ZNF469: variants seen among roughly 807,000 people sequenced by gnomAD.
The protein encoded by ZNF469 is zinc finger protein 469.
In ZNF469, 1 loss-of-function variant was observed where a neutral mutation model predicts 1.0. The ratio of observed to expected loss-of-function variants is 1.00; its 90% CI spans 0.35 to 4.73. ZNF469 has a LOEUF of 4.73. ZNF469 is among the 30% of genes most tolerant of loss of function. The pLI, the probability that ZNF469 is intolerant of heterozygous loss-of-function variation, is 0.16. For missense variants in ZNF469, 6,100 were observed against 5,356.3 expected (o/e 1.14, Z -4.33); for synonymous variants, 2,703 against 2,363.4 (o/e 1.14, Z -4.17).
intron 1 of ZNF469, among the ~76,000 whole-genome samples, chr16:88,387,289 C>T (rs1904362186): frequency 6.6e-6 from 1 of 152,220 alleles, no homozygotes; most frequent in African/African-American, 2.4e-5. Flanking sequence ...CCGTCCAGCC[C>T]CCTCATTCCT....
chr16:88,282,843 G>A, the ZNF469 span, among the ~76,000 whole-genome samples: 3 of 152,272 alleles, frequency 2.0e-5, no homozygotes, highest in South Asian at 6.2e-4. Context: ...TCCTAAAGCA[G>A]CTGTCTGGGC....
the ZNF469 span, among the ~76,000 whole-genome samples, chr16:88,292,008 G>A: frequency 1.3e-5 from 2 of 152,216 alleles, no homozygotes; most frequent in African/African-American, 4.8e-5. Context: ...TTCTGTGGTA[G>A]GACAGTTTTG....
chr16:88,228,422 T>G, the ZNF469 span, among the ~76,000 whole-genome samples: 90 of 152,384 alleles, frequency 5.9e-4, no homozygotes, highest in Admixed American at 5.4e-3. Flanking sequence ...GCAGGACTAC[T>G]GCGGGATTCC....
chr16:88,139,708 G>A, the ZNF469 span, among the ~76,000 whole-genome samples: 1 of 152,060 alleles, frequency 6.6e-6, no homozygotes, highest in Non-Finnish European at 1.5e-5. Flanking sequence ...TTTGTCCCCT[G>A]GCCTGGGGAC....
At chr16:88,285,982 G>A in the ZNF469 span, among the ~76,000 whole-genome samples, 27 of 152,222 alleles carry the variant, frequency 1.8e-4, no homozygotes, top group Admixed American at 9.2e-4. Context: ...AGCCCCCATC[G>A]GACCCACAGC....
chr16:88,429,970 A>T lies in ZNF469; in HGVS notation c.2500A>T (p.Met834Leu). Residue 834 changes from methionine to leucine, a missense_variant, in exon 3 of 3, where the codon ATG (methionine) becomes TTG (leucine). Transcript: ENST00000565624. The stretch of plus-strand genomic sequence containing the variant: ...CCCGCTCCCTGCCTCGGACCTGGAC[A>T]TGGAGGATGACGCCAAGCTGGACAG... ...PFPLPASDLDMEDDAKLDSLI... is the reference protein window; with the variant it reads ...PFPLPASDLDLEDDAKLDSLI... The T allele has an allele frequency of 3.2e-6, 5 of 1,550,212 alleles. No homozygotes were observed. Among genetic ancestry groups the T allele is most frequent in the Non-Finnish European group, 4.4e-6 (5 of 1,146,900 alleles).
At chr16:88,288,304 C>G in the ZNF469 span, among the ~76,000 whole-genome samples, 1 of 152,152 alleles carries the variant, frequency 6.6e-6, no homozygotes. Context: ...CAGGGAGGCA[C>G]GCATGTTGAG....
chr16:88,338,532 C>A, the ZNF469 span, among the ~76,000 whole-genome samples: 6 of 152,182 alleles, frequency 3.9e-5, no homozygotes, highest in Non-Finnish European at 7.4e-5. Context: ...CTCCTGAGAA[C>A]CACAGAGCCC....
chr16:88,304,696 A>T, the ZNF469 span, among the ~76,000 whole-genome samples: 1 of 152,166 alleles, frequency 6.6e-6, no homozygotes, highest in South Asian at 2.1e-4. Flanking sequence ...TTCCCCCATC[A>T]TCTCAGTGTT....
the ZNF469 span, among the ~76,000 whole-genome samples, chr16:88,208,536 G>A: frequency 6.1e-5 from 5 of 81,546 alleles, no homozygotes; most frequent in African/African-American, 1.8e-4. Flanking sequence ...GAGAGAGAGG[G>A]AAGAAGGAAG....
the ZNF469 span, among the ~76,000 whole-genome samples, chr16:88,153,285 G>A: frequency 7.2e-5 from 11 of 152,180 alleles, no homozygotes; most frequent in African/African-American, 1.4e-4. Context: ...GGGGGCCTGC[G>A]GTGGTGCTGG....
the ZNF469 span, among the ~76,000 whole-genome samples, chr16:88,291,483 C>G: frequency 7.9e-5 from 12 of 152,332 alleles, no homozygotes; most frequent in African/African-American, 2.4e-4. Flanking sequence ...GGCAGAACCT[C>G]GTCTCTTCGC....
chr16:88,389,379 G>A (rs959028334), intron 1 of ZNF469, among the ~76,000 whole-genome samples: 27 of 152,248 alleles, frequency 1.8e-4, no homozygotes, highest in South Asian at 4.1e-4. Context: ...CCCCGTGGAC[G>A]GAGCACATTT....
Position 88,435,815 on chromosome 16 carries a change from A to T in ZNF469, c.8345A>T (p.His2782Leu). The T allele has an allele frequency of 6.4e-7, 1 of 1,550,518 alleles. No individual in the cohort carries two copies. The highest frequency in any genetic ancestry group is 8.7e-7 in the Non-Finnish European group (1 of 1,146,948). Reference sequence around the variant, plus strand: ...CCTGCGGAGGACAGCAGCAGGGCCCACAGCCGATCAGAGGAAGGTGTCTGG... The same window carrying T: ...CCTGCGGAGGACAGCAGCAGGGCCCTCAGCCGATCAGAGGAAGGTGTCTGG... ...SEPAEDSSRA[H>L]SRSEEGVWEE... The change falls in exon 3 of 3, where the codon CAC (histidine) becomes CTC (leucine). Residue 2782 changes from histidine to leucine, a missense_variant. His to Leu is a moderately conservative substitution (Grantham distance 99). Coordinates refer to ENST00000565624, the MANE Select transcript of ZNF469 (RefSeq NM_001367624.2).
At chr16:88,109,172 A>G in the ZNF469 span, among the ~76,000 whole-genome samples, 3 of 152,182 alleles carry the variant, frequency 2.0e-5, no homozygotes, top group Admixed American at 6.5e-5. Context: ...GAGCAGCTGC[A>G]TGGAAAGACT....
At chr16:88,380,599 GCACTCACACA>G (rs1391419772), upstream of ZNF469, among the ~76,000 whole-genome samples, 2 of 111,310 alleles carry the variant, frequency 1.8e-5, no homozygotes. Flanking sequence ...TCACACACAT[GCACTCACACA>G]CGCACACACC....
chr16:88,158,039 G>A, the ZNF469 span, among the ~76,000 whole-genome samples: 8 of 152,178 alleles, frequency 5.3e-5, no homozygotes, highest in South Asian at 4.2e-4. Flanking sequence ...GTCCTGCTGC[G>A]GGGATGCTCC....
chr16:88,305,506 A>G, the ZNF469 span, among the ~76,000 whole-genome samples: 2 of 147,256 alleles, frequency 1.4e-5, no homozygotes, highest in South Asian at 4.3e-4. Context: ...ACACACGCAC[A>G]CCCTCACACA....
At chr16:88,347,958 C>T in the ZNF469 span, among the ~76,000 whole-genome samples, 7 of 152,216 alleles carry the variant, frequency 4.6e-5, no homozygotes, top group African/African-American at 1.7e-4. Context: ...TCCCAGAGAG[C>T]TCCGCCAGGT....
Sources: allele counts gnomAD v4.1 joint callset (sites outside exome capture counted in the v4.1 genomes callset), GRCh38; gene constraint gnomAD v4.1.1; transcripts MANE v1.5; gene names NCBI Gene and HGNC (gene_info 2026-07-23, HGNC 2026-07-21).